ZSCAN5A: variants seen among roughly 807,000 people sequenced by gnomAD.
ZSCAN5A encodes the protein zinc finger and SCAN domain-containing protein 5A.
ZSCAN5A carries 12 observed loss-of-function variants against 23.7 expected under a neutral mutation model. That is an observed-to-expected ratio of 0.51 (90% CI 0.32 to 0.82). ZSCAN5A has a LOEUF of 0.82. Among genes scored for constraint, ZSCAN5A ranks in the 40% least tolerant of loss-of-function variants. ZSCAN5A has a pLI of 0.03. For synonymous variants in ZSCAN5A, 257 were observed against 239.9 expected (o/e 1.07, Z -0.66); for missense variants, 597 against 617.9 (o/e 0.97, Z 0.36).
chr19:56,366,111 C>T (rs1334128252), intron 1 of ZSCAN5A, among the ~76,000 whole-genome samples: 1 of 152,116 alleles, frequency 6.6e-6, no homozygotes, highest in African/African-American at 2.4e-5. Flanking sequence ...CCCCTCTTGC[C>T]ACCCTGTCCC....
intron 2 of ZSCAN5A, among the ~76,000 whole-genome samples, chr19:56,260,505 C>T (rs888416332): frequency 2.6e-5 from 4 of 151,996 alleles, no homozygotes; most frequent in Admixed American, 6.6e-5. Flanking sequence ...TGAGCCACCG[C>T]GCCTGGGCTT....
At chr19:56,364,823 T>C (rs778797181) in intron 1 of ZSCAN5A, 1 of 152,230 alleles carries the variant, frequency 6.6e-6, no homozygotes, top group Admixed American at 6.5e-5. Context: ...ACATATTGTA[T>C]ACTATTCTAA....
intron 2 of ZSCAN5A, chr19:56,342,339 G>C (rs1289309186): frequency 6.6e-6 from 1 of 150,838 alleles, no homozygotes; most frequent in East Asian, 1.9e-4. Context: ...TTTTTTTGGG[G>C]GATGCCCTTA....
intron 2 of ZSCAN5A, among the ~76,000 whole-genome samples, chr19:56,299,279 G>A (rs901435536): frequency 7.9e-5 from 12 of 151,702 alleles, no homozygotes; most frequent in Admixed American, 2.0e-4. Context: ...CCACAGGCAC[G>A]AGACACCACA....
chr19:56,261,057 A>C (rs1007759890), intron 2 of ZSCAN5A, among the ~76,000 whole-genome samples: 1 of 152,006 alleles, frequency 6.6e-6, no homozygotes, highest in African/African-American at 2.4e-5. Flanking sequence ...AAAATACAAA[A>C]ATTAGCCAGG....
intron 2 of ZSCAN5A, among the ~76,000 whole-genome samples, chr19:56,274,011 G>C (rs867867710): frequency 1.4e-4 from 22 of 152,130 alleles, no homozygotes; most frequent in African/African-American, 4.6e-4. Flanking sequence ...ATAAGTAGAA[G>C]GTTACGAGGC....
intron 2 of ZSCAN5A, among the ~76,000 whole-genome samples, chr19:56,269,983 T>C (rs2037732418): frequency 6.6e-6 from 1 of 152,062 alleles, no homozygotes; most frequent in African/African-American, 2.4e-5. Context: ...AGCCGTAGTG[T>C]GGTGGGGCAG....
At chr19:56,312,745 A>G (rs1196271486) in intron 2 of ZSCAN5A, among the ~76,000 whole-genome samples, 1 of 152,236 alleles carries the variant, frequency 6.6e-6, no homozygotes, top group Non-Finnish European at 1.5e-5. Context: ...GTAAATATAA[A>G]ATTATCCCAA....
At chr19:56,348,591 C>T (rs2041648997) in intron 2 of ZSCAN5A, among the ~76,000 whole-genome samples, 2 of 152,152 alleles carry the variant, frequency 1.3e-5, no homozygotes, top group Non-Finnish European at 2.9e-5. Context: ...CTAAATTAAG[C>T]AAGGGAAAGG....
chr19:56,325,680 G>A (rs940526687), intron 2 of ZSCAN5A, among the ~76,000 whole-genome samples: 1 of 151,936 alleles, frequency 6.6e-6, no homozygotes, highest in African/African-American at 2.4e-5. Context: ...CGTTTGAAGG[G>A]GTTAAGGAGG....
At chr19:56,231,937 TTC>T (rs1235787911) in intron 2 of ZSCAN5A, among the ~76,000 whole-genome samples, 1 of 152,090 alleles carries the variant, frequency 6.6e-6, no homozygotes, top group Non-Finnish European at 1.5e-5. Context: ...ACCACTGGTG[TTC>T]TCTGTGTCAT....
chr19:56,362,801 G>A (rs2041742530), intron 2 of ZSCAN5A, among the ~76,000 whole-genome samples: 1 of 151,252 alleles, frequency 6.6e-6, no homozygotes, highest in Admixed American at 6.6e-5. Flanking sequence ...AACCAGGGAA[G>A]CAGAGCTTGC....
intron 2 of ZSCAN5A, among the ~76,000 whole-genome samples, chr19:56,237,980 C>CACAGACGG (rs2035084227): frequency 1.1e-5 from 1 of 87,858 alleles, no homozygotes; most frequent in Non-Finnish European, 2.4e-5. Context: ...CACGGACACA[C>CACAGACGG]ACACATACAC....
intron 2 of ZSCAN5A, among the ~76,000 whole-genome samples, chr19:56,289,027 C>A (rs1268010877): frequency 6.6e-6 from 1 of 152,164 alleles, no homozygotes; most frequent in Non-Finnish European, 1.5e-5. Context: ...GCATCAGGAG[C>A]ATCATCAGTA....
intron 2 of ZSCAN5A, among the ~76,000 whole-genome samples, chr19:56,289,468 G>C (rs544895733): frequency 6.6e-6 from 1 of 152,132 alleles, no homozygotes; most frequent in African/African-American, 2.4e-5. Context: ...CTCTAGTTCG[G>C]GTAAGACGGA....
upstream of ZSCAN5A, chr19:56,317,514 G>T (rs187562679): frequency 6.6e-6 from 1 of 152,320 alleles, no homozygotes; most frequent in Non-Finnish European, 1.5e-5. Flanking sequence ...CCTTGTTTAC[G>T]AAGGGAGGCT....
intron 2 of ZSCAN5A, among the ~76,000 whole-genome samples, chr19:56,359,511 T>C (rs1303902984): frequency 6.6e-6 from 1 of 152,214 alleles, no homozygotes; most frequent in African/African-American, 2.4e-5. Flanking sequence ...AAAGAGGAGC[T>C]GGTACATTTC....
intron 2 of ZSCAN5A, among the ~76,000 whole-genome samples, chr19:56,359,194 A>C (rs2041717411): frequency 6.6e-6 from 1 of 152,190 alleles, no homozygotes; most frequent in Non-Finnish European, 1.5e-5. Context: ...TAGACTAATA[A>C]AGAAAAAAAG....
chr19:56,325,995 T>C (rs1289683805), intron 2 of ZSCAN5A, among the ~76,000 whole-genome samples: 1 of 151,836 alleles, frequency 6.6e-6, no homozygotes, highest in Non-Finnish European at 1.5e-5. Flanking sequence ...TGCAGTGGTG[T>C]GATCTCCGCT....
Sources: gnomAD v4.1 joint callset for allele counts (sites outside exome capture counted in the v4.1 genomes callset) on GRCh38, gnomAD v4.1.1 for gene constraint, MANE v1.5 for transcripts, NCBI Gene and HGNC (gene_info 2026-07-23, HGNC 2026-07-21) for gene names.